Variants in FBXL17 observed in about 807,000 individuals in gnomAD.
The protein encoded by FBXL17 is F-box/LRR-repeat protein 17.
FBXL17 carries 22 observed loss-of-function variants against 66.2 expected under a neutral mutation model. That is an observed-to-expected ratio of 0.33 (90% CI 0.24 to 0.47). The LOEUF (loss-of-function observed/expected upper bound fraction) is 0.47. Among genes scored for constraint, FBXL17 ranks in the 20% least tolerant of loss-of-function variants. FBXL17 has a pLI of 1.00. For missense variants in FBXL17, 878 were observed against 948.2 expected (o/e 0.93, Z 0.97); for synonymous variants, 474 against 400.5 (o/e 1.18, Z -2.19).
At chr5:107,957,547 T>C in intron 7 of FBXL17, among the ~76,000 whole-genome samples, 1 of 152,194 alleles carries the variant, frequency 6.6e-6, no homozygotes. Context: ...ACATCATCTT[T>C]CAGATCTCCA....
chr5:108,224,355 A>G, intron 4 of FBXL17, 127 bp from the exon 5 acceptor site: 1 of 467,024 alleles, frequency 2.1e-6, no homozygotes, highest in East Asian at 3.4e-5. Flanking sequence ...GATCATTTGA[A>G]TCAGCATACA....
At chr5:107,870,058 T>A (rs1030376238) in intron 8 of FBXL17, among the ~76,000 whole-genome samples, 1 of 152,168 alleles carries the variant, frequency 6.6e-6, no homozygotes, top group Admixed American at 6.5e-5. Context: ...CCAGGCCATA[T>A]CCTAGAGCAG....
Position 107,946,255 on chromosome 5 carries a change from T to TTATATATATATATA in FBXL17, c.1823-65090_1823-65077dup, listed in dbSNP as rs55643516. On this transcript the variant is annotated intron_variant, in intron 7 of 8. Transcript: ENST00000542267. ...TATTATTACTTTTATCAATCTCATT[T>TTATATATATATATA]TATATATATATATATATATATATAT... 7.4e-5 allele frequency among the ~76,000 whole-genome samples: 3 copies of TTATATATATATATA among 40,392 alleles called. 1 individual carries two copies. The highest frequency in any genetic ancestry group is 1.3e-4 in the Non-Finnish European group (3 of 22,624). The allele number at this position is 40,392 out of a possible 152,430, so 26.5% of individuals were successfully genotyped here. A position where few individuals can be genotyped will look rare whatever the true frequency, so the allele number is the denominator to read the frequency against.
intron 7 of FBXL17, among the ~76,000 whole-genome samples, chr5:107,946,255 T>TTTTTATATA (rs1208616623): frequency 2.5e-5 from 1 of 40,400 alleles, no homozygotes; most frequent in African/African-American, 1.2e-4. Context: ...CAATCTCATT[T>TTTTTATATA]TATATATATA....
chr5:108,147,553 G>T (rs1184891006), intron 6 of FBXL17, among the ~76,000 whole-genome samples: 1 of 152,078 alleles, frequency 6.6e-6, no homozygotes, highest in African/African-American at 2.4e-5. Flanking sequence ...TAGGTTACAA[G>T]ATATTAAGTA....
intron 7 of FBXL17, among the ~76,000 whole-genome samples, chr5:108,001,967 T>G: frequency 6.6e-6 from 1 of 151,812 alleles, no homozygotes; most frequent in South Asian, 2.1e-4. Flanking sequence ...ATATGATCAT[T>G]ACCTTGCAAG....
At chr5:107,864,443 C>G (rs1748216729) in intron 8 of FBXL17, among the ~76,000 whole-genome samples, 1 of 152,188 alleles carries the variant, frequency 6.6e-6, no homozygotes, top group African/African-American at 2.4e-5. Context: ...TTCCAGAACT[C>G]TCCTTAATAA....
At chr5:108,110,803 G>C (rs1288942110) in intron 6 of FBXL17, among the ~76,000 whole-genome samples, 1 of 151,042 alleles carries the variant, frequency 6.6e-6, no homozygotes, top group African/African-American at 2.4e-5. Context: ...ATTATTTGCT[G>C]TACCTAGTTT....
At chr5:108,010,028 T>C (rs542725492) in intron 7 of FBXL17, among the ~76,000 whole-genome samples, 16 of 152,248 alleles carry the variant, frequency 1.1e-4, no homozygotes, top group Admixed American at 6.5e-5. Context: ...TACTTATATA[T>C]TGAGAGAGAA....
At chr5:108,110,589 G>T (rs184619511) in intron 6 of FBXL17, among the ~76,000 whole-genome samples, 1 of 152,208 alleles carries the variant, frequency 6.6e-6, no homozygotes, top group Admixed American at 6.5e-5. Flanking sequence ...AGGAGAAGAA[G>T]GCACAAGATT....
At chr5:107,869,787 C>A (rs1452221891) in intron 8 of FBXL17, among the ~76,000 whole-genome samples, 1 of 152,176 alleles carries the variant, frequency 6.6e-6, no homozygotes, top group African/African-American at 2.4e-5. Flanking sequence ...AAACTTCCTA[C>A]CTTAGCACTT....
rs570367718 is a variant in FBXL17 at position 107,941,095 on chromosome 5, C to T, written c.1823-59916G>A. Reference sequence around the variant, plus strand: ...ATATGATTCTAAACAATGTCTCAAACAAAATTATGGTTAAATCAAGTGAAA... The same window carrying T: ...ATATGATTCTAAACAATGTCTCAAATAAAATTATGGTTAAATCAAGTGAAA... On this transcript the variant is annotated intron_variant, in intron 7 of 8. Coordinates refer to ENST00000542267, the MANE Select transcript of FBXL17 (RefSeq NM_001163315.3). Among the ~76,000 whole-genome samples the T allele has an allele frequency of 3.6e-5, 5 of 139,088 alleles. No homozygotes were observed. The East Asian group carries it at 8.3e-4, about 23-fold the overall frequency. 91.2% of individuals were successfully genotyped at this position (139,088 alleles called of 152,430 possible).
intron 7 of FBXL17, among the ~76,000 whole-genome samples, chr5:107,960,715 C>T (rs1359612378): frequency 6.6e-6 from 1 of 152,118 alleles, no homozygotes; most frequent in African/African-American, 2.4e-5. Context: ...TCCAGCAATC[C>T]ATTGTTCTTG....
intron 6 of FBXL17, among the ~76,000 whole-genome samples, chr5:108,150,641 G>T (rs563454098): frequency 2.0e-5 from 3 of 152,282 alleles, no homozygotes; most frequent in South Asian, 4.1e-4. Flanking sequence ...TGTATCAGTT[G>T]TCTTGTGGGA....
chr5:108,120,914 AT>A (rs34887784), intron 6 of FBXL17, among the ~76,000 whole-genome samples: 6 of 152,188 alleles, frequency 3.9e-5, no homozygotes, highest in African/African-American at 2.4e-5. Flanking sequence ...CACAATATGT[AT>A]TTTTTTTATA....
At position 108,381,711 on chromosome 5, in the gene FBXL17, G is replaced by A. The variant is rs1749963791; in HGVS notation, c.-20C>T. 1.4e-6 allele frequency: 2 copies of A among 1,435,670 alleles called. No individual in the cohort carries two copies. Among genetic ancestry groups the A allele is most frequent in the Non-Finnish European group, 1.8e-6 (2 of 1,100,798 alleles). 88.9% of individuals were successfully genotyped at this position (1,435,670 alleles called of 1,614,324 possible). On this transcript the variant is annotated 5_prime_UTR_variant, in exon 1 of 9. Transcript: ENST00000542267. ...GCCCATATAGAAGGCCCCGAGGAGGGGGACCGGGACGGGAGGGAGGGAGAC... is the reference window on the plus strand; with the variant it reads ...GCCCATATAGAAGGCCCCGAGGAGGAGGACCGGGACGGGAGGGAGGGAGAC...
intron 6 of FBXL17, among the ~76,000 whole-genome samples, chr5:108,051,375 C>T (rs1197244851): frequency 6.6e-6 from 1 of 152,174 alleles, no homozygotes; most frequent in African/African-American, 2.4e-5. Flanking sequence ...CAGCACATCA[C>T]AAAACTTATC....
chr5:108,219,957 CTTTGGATTTAG>C (rs1754787862), intron 5 of FBXL17, among the ~76,000 whole-genome samples: 1 of 37,824 alleles, frequency 2.6e-5, no homozygotes, highest in Non-Finnish European at 5.1e-5. Flanking sequence ...TTTTTGCTTA[CTTTGGATTTAG>C]TTTGCTCCTT....
intron 7 of FBXL17, among the ~76,000 whole-genome samples, chr5:107,951,883 A>C (rs1751510729): frequency 6.6e-6 from 1 of 152,240 alleles, no homozygotes; most frequent in African/African-American, 2.4e-5. Context: ...AGATGGGTGC[A>C]AACAACCTTT....
Sources: gnomAD v4.1 joint callset for allele counts (sites outside exome capture counted in the v4.1 genomes callset) on GRCh38, gnomAD v4.1.1 for gene constraint, MANE v1.5 for transcripts, NCBI Gene and HGNC (gene_info 2026-07-23, HGNC 2026-07-21) for gene names.